Variants in MGAT4C observed in about 807,000 individuals in gnomAD.
MGAT4C encodes alpha-1,3-mannosyl-glycoprotein 4-beta-N-acetylglucosaminyltransferase C.
In MGAT4C, 19 loss-of-function variants were observed where a neutral mutation model predicts 40.1. The observed-to-expected ratio is 0.47, with a 90% confidence interval of 0.33 to 0.70. The LOEUF (loss-of-function observed/expected upper bound fraction) is 0.70, where lower values mean the gene tolerates loss of function less well. Among genes scored for constraint, MGAT4C ranks in the 30% least tolerant of loss-of-function variants. The probability of loss-of-function intolerance (pLI) is 0.02; values close to 1 mark genes in which losing one functional copy is unlikely to be tolerated. For synonymous variants in MGAT4C, 181 were observed against 187.1 expected, an observed-to-expected ratio of 0.97 and a Z score of 0.27; for missense variants, 491 against 563.2, an observed-to-expected ratio of 0.87 and a Z score of 1.30.
intron 2 of MGAT4C, among the ~76,000 whole-genome samples, chr12:85,991,780 C>T (rs1477362597): frequency 6.6e-6 from 1 of 152,090 alleles, no homozygotes; most frequent in African/African-American, 2.4e-5. Context: ...TAGCTTGAGC[C>T]CAGGAGTTTG....
chr12:86,147,992 A>G (rs1166945127), intron 1 of MGAT4C, among the ~76,000 whole-genome samples: 1 of 152,242 alleles, frequency 6.6e-6, no homozygotes, highest in African/African-American at 2.4e-5. Context: ...GCTTCCATTG[A>G]GAGTAAAACG....
chr12:86,288,720 A>G (rs1012661139), intron 4 of MGAT4C, among the ~76,000 whole-genome samples: 2 of 151,514 alleles, frequency 1.3e-5, no homozygotes, highest in Non-Finnish European at 2.9e-5. Context: ...CTTTTTTTGG[A>G]AAGTGTCTGT....
At chr12:86,625,678 A>G (rs1394777065) in intron 2 of MGAT4C, among the ~76,000 whole-genome samples, 1 of 152,156 alleles carries the variant, frequency 6.6e-6, no homozygotes, top group Non-Finnish European at 1.5e-5. Context: ...ACTAGTAAGA[A>G]TTACTCTAAG....
intron 1 of MGAT4C, among the ~76,000 whole-genome samples, chr12:86,223,046 CAT>C (rs1176903408): frequency 6.6e-5 from 10 of 152,168 alleles, no homozygotes; most frequent in African/African-American, 2.2e-4. Context: ...AGAGGGAAAA[CAT>C]ATGGAGTCCC....
Position 86,120,914 on chromosome 12 carries a change from G to C in MGAT4C, c.-56-71191C>G, listed in dbSNP as rs142417129. ...GAATGACTTTGACGAGTTGAGAGAA[G>C]GCTTTAGACGATCAGTAGTAACAAA... On this transcript the variant is annotated intron_variant, in intron 1 of 4. Coordinates refer to ENST00000611864, the MANE Select transcript of MGAT4C (RefSeq NM_001351288.2). Among the ~76,000 whole-genome samples, 1,429 of 152,334 alleles carry C rather than the reference G, an allele frequency of 9.4e-3. 15 individuals carry two copies. Among genetic ancestry groups the C allele is most frequent in the Non-Finnish European group, 0.014 (965 of 68,030 alleles).
At chr12:86,119,058 C>A (rs1167991961) in intron 1 of MGAT4C, among the ~76,000 whole-genome samples, 2 of 151,902 alleles carry the variant, frequency 1.3e-5, no homozygotes, top group South Asian at 2.1e-4. Flanking sequence ...AACAGTAGAA[C>A]TCAAGAGAGC....
At chr12:86,174,261 G>C (rs1368120450) in intron 1 of MGAT4C, among the ~76,000 whole-genome samples, 1 of 151,682 alleles carries the variant, frequency 6.6e-6, no homozygotes, top group East Asian at 1.9e-4. Context: ...TACTTCCCTA[G>C]TCACTTCTTT....
intron 2 of MGAT4C, among the ~76,000 whole-genome samples, chr12:86,497,877 T>C (rs896237433): frequency 1.5e-5 from 2 of 134,704 alleles, no homozygotes; most frequent in African/African-American, 2.7e-5. Flanking sequence ...TTGCTAATTT[T>C]CTCATGAAAT....
intron 4 of MGAT4C, among the ~76,000 whole-genome samples, chr12:86,311,151 C>T (rs901597790): frequency 7.2e-5 from 11 of 152,102 alleles, no homozygotes; most frequent in African/African-American, 2.7e-4. Context: ...TAGGTGGCTT[C>T]GTCACGGTGC....
chr12:86,254,836 C>T (rs1436245677), intron 1 of MGAT4C, among the ~76,000 whole-genome samples: 1 of 151,970 alleles, frequency 6.6e-6, no homozygotes, highest in African/African-American at 2.4e-5. Context: ...AATTAATACA[C>T]GTCTGACACT....
chr12:86,456,412 T>C (rs1957512525), intron 2 of MGAT4C, among the ~76,000 whole-genome samples: 1 of 152,110 alleles, frequency 6.6e-6, no homozygotes, highest in South Asian at 2.1e-4. Context: ...CAGCCTGGCA[T>C]TCAGATCTAT....
chr12:86,136,928 C>T (rs776231290), intron 1 of MGAT4C, among the ~76,000 whole-genome samples: 4 of 152,040 alleles, frequency 2.6e-5, no homozygotes, highest in Non-Finnish European at 4.4e-5. Context: ...CCTTGTGATC[C>T]GCCCACATCG....
chr12:86,191,788 G>GTGTGT (rs10526767), intron 1 of MGAT4C, among the ~76,000 whole-genome samples: 7 of 132,444 alleles, frequency 5.3e-5, no homozygotes, highest in Non-Finnish European at 6.6e-5. Flanking sequence ...GTGTGTGTGT[G>GTGTGT]GTGTTTTCAG....
chr12:86,476,238 A>T (rs1957833845), intron 2 of MGAT4C, among the ~76,000 whole-genome samples: 1 of 152,132 alleles, frequency 6.6e-6, no homozygotes, highest in African/African-American at 2.4e-5. Flanking sequence ...TAAACAATTG[A>T]ACAAGCAAAA....
At chr12:86,337,837 AT>A (rs1954822321) in intron 3 of MGAT4C, among the ~76,000 whole-genome samples, 1 of 152,186 alleles carries the variant, frequency 6.6e-6, no homozygotes, top group African/African-American at 2.4e-5. Context: ...TACTTATAAA[AT>A]TATCCTTGTT....
chr12:86,522,584 T>G (rs1238851933), intron 2 of MGAT4C, among the ~76,000 whole-genome samples: 1 of 152,094 alleles, frequency 6.6e-6, no homozygotes, highest in Non-Finnish European at 1.5e-5. Context: ...TTGGCCAGGT[T>G]TTGGTATCAG....
intron 2 of MGAT4C, among the ~76,000 whole-genome samples, chr12:86,573,258 CATA>C (rs1027024882): frequency 6.6e-6 from 1 of 151,864 alleles, no homozygotes; most frequent in African/African-American, 2.4e-5. Flanking sequence ...TACTTGTGAT[CATA>C]ATAACACATG....
rs1481353166 is a variant in MGAT4C, at chr12:86,828,007, T to A, written c.-262+10659A>T. Among the ~76,000 whole-genome samples the A allele has an allele frequency of 7.3e-5, 11 of 151,266 alleles. No homozygotes were observed. The Admixed American group carries it at 7.3e-4, about 10-fold the overall frequency. ...TGGAAATATATACCCATTTTTTTCA[T>A]TAGATTAGGAATCTCTAAAGATAAA... On this transcript the variant is annotated intron_variant, in intron 1 of 7. Transcript: ENST00000548651.
At position 85,967,331 on chromosome 12, in the gene MGAT4C, G is replaced by A. The variant is rs892226095; in HGVS notation, c.*11958C>T. Reference sequence around the variant, plus strand: ...AAAATGTTACTTTTTGTATTAATCAGTGGAATGTTTAAAGAAAAAACTGGT... The same window carrying A: ...AAAATGTTACTTTTTGTATTAATCAATGGAATGTTTAAAGAAAAAACTGGT... On this transcript the variant is annotated 3_prime_UTR_variant, in exon 5 of 5. Transcript: ENST00000611864. 2 of 152,128 alleles carry A rather than the reference G, an allele frequency of 1.3e-5. No individual in the cohort carries two copies. The highest frequency in any genetic ancestry group is 1.9e-4 in the East Asian group (1 of 5,178). 9.4% of individuals were successfully genotyped at this position (152,128 alleles called of 1,614,324 possible).
Sources: allele counts gnomAD v4.1 joint callset (sites outside exome capture counted in the v4.1 genomes callset), GRCh38; gene constraint gnomAD v4.1.1; transcripts MANE v1.5; gene names NCBI Gene and HGNC (gene_info 2026-07-23, HGNC 2026-07-21).